CCN4: variants seen among roughly 807,000 people sequenced by gnomAD.
CCN4 encodes the protein cellular communication network factor 4.
CCN4 carries 30 observed loss-of-function variants against 36.7 expected under a neutral mutation model. That is an observed-to-expected ratio of 0.82 (90% CI 0.61 to 1.11). The LOEUF is 1.11. Ranked by LOEUF, CCN4 falls within the 50% of genes least tolerant of loss-of-function variation. The pLI is 0.00. For missense variants in CCN4, 505 were observed against 504.9 expected (o/e 1.00, Z 0.00); for synonymous variants, 191 against 195.4 (o/e 0.98, Z 0.19).
rs1327678414 is a variant in CCN4 at position 133,231,298 on chromosome 8, C to T, written c.*3588C>T. 3 of 152,212 alleles carry T rather than the reference C, an allele frequency of 2.0e-5. No homozygotes were observed. Among genetic ancestry groups the T allele is most frequent in the African/African-American group, 7.2e-5 (3 of 41,538 alleles). 9.4% of individuals were successfully genotyped at this position (152,212 alleles called of 1,614,324 possible). A position where few individuals can be genotyped will look rare whatever the true frequency, so the allele number is the denominator to read the frequency against. ...TGCATATCTGGGAATCATAAGTCAA[C>T]TATGTATCCCTGTGTGTGTATATAT... On this transcript the variant is annotated 3_prime_UTR_variant, in exon 5 of 5. Transcript: ENST00000250160.
At chr8:133,215,045 T>A (rs1418899480) in intron 2 of CCN4, among the ~76,000 whole-genome samples, 1 of 152,238 alleles carries the variant, frequency 6.6e-6, no homozygotes, top group Non-Finnish European at 1.5e-5. Context: ...TTTCTGTGAA[T>A]AACCATCCCA....
intron 1 of CCN4, among the ~76,000 whole-genome samples, chr8:133,191,793 G>T (rs55884058): frequency 1.3e-5 from 2 of 151,986 alleles, no homozygotes; most frequent in Non-Finnish European, 2.9e-5. Context: ...TGTCACCTCC[G>T]GTCTGCACAG....
At chr8:133,220,495 T>C in intron 2 of CCN4, 86 bp from the exon 3 acceptor site, 1 of 1,546,962 alleles carries the variant, frequency 6.5e-7, no homozygotes, top group Non-Finnish European at 8.8e-7. Context: ...GATTGGGGCA[T>C]GGTCCACATG....
In CCN4 at chr8:133,200,663, AC is replaced by A. The variant is rs532349890; in HGVS notation, c.69+9452del. ...TGTGTCATTTTCTTGTTGTGTCTCAACCTTTTTGGGTCTCAGTTTCCCATCT... is the reference window on the plus strand; with the variant it reads ...TGTGTCATTTTCTTGTTGTGTCTCAACTTTTTGGGTCTCAGTTTCCCATCT... On this transcript the variant is annotated intron_variant, in intron 1 of 4. Coordinates refer to ENST00000250160, the MANE Select transcript of CCN4 (RefSeq NM_003882.4). 1.6e-4 allele frequency among the ~76,000 whole-genome samples: 25 copies of A among 152,298 alleles called. No homozygotes were observed. In the South Asian group the frequency reaches 1.7e-3, roughly 10 times the overall value.
rs1292832676 is a variant in CCN4 at position 133,228,419 on chromosome 8, C to T, written c.*709C>T. Reference sequence around the variant, plus strand: ...CATTCCTGTTGATGGGAAAAGCCCCCAGTTAATACTCCAGAGACAGGGAAA... The same window carrying T: ...CATTCCTGTTGATGGGAAAAGCCCCTAGTTAATACTCCAGAGACAGGGAAA... On this transcript the variant is annotated 3_prime_UTR_variant, in exon 5 of 5. Transcript: ENST00000250160. 1 of 152,206 alleles carries T rather than the reference C, an allele frequency of 6.6e-6. No homozygotes were observed. The highest frequency in any genetic ancestry group is 1.5e-5 in the Non-Finnish European group (1 of 68,054). The allele number at this position is 152,206 out of a possible 1,614,324, so 9.4% of individuals were successfully genotyped here.
In CCN4 at chr8:133,227,720, A is replaced by G; in HGVS notation, c.*10A>G. 3 of 1,608,672 alleles carry G rather than the reference A, an allele frequency of 1.9e-6. No individual in the cohort carries two copies. The highest frequency in any genetic ancestry group is 4.5e-5 in the East Asian group (2 of 44,844). ...AGAAATTGCCAACTAGGCAGGCACA[A>G]ATCTTGGGTCTTGGGGACTAACCCA... On this transcript the variant is annotated 3_prime_UTR_variant, in exon 5 of 5. Transcript: ENST00000250160.
At chr8:133,202,518 T>A (rs1853623948) in intron 1 of CCN4, among the ~76,000 whole-genome samples, 1 of 152,222 alleles carries the variant, frequency 6.6e-6, no homozygotes, top group Non-Finnish European at 1.5e-5. Context: ...AAAACCTGGC[T>A]TCTTGCCCCT....
chr8:133,213,230 CTT>C (rs1449604494), intron 2 of CCN4, 87 bp downstream of exon 2: 2 of 1,473,410 alleles, frequency 1.4e-6, no homozygotes, highest in Non-Finnish European at 1.9e-6. Context: ...CCCCCACAGC[CTT>C]TCACCTGGCC....
chr8:133,219,413 G>T (rs1854437940), intron 2 of CCN4, among the ~76,000 whole-genome samples: 1 of 152,080 alleles, frequency 6.6e-6, no homozygotes, highest in African/African-American at 2.4e-5. Flanking sequence ...ACCTCCTTCA[G>T]GCTTTGCTGA....
chr8:133,194,699 GGT>G (rs1406493042), intron 1 of CCN4, among the ~76,000 whole-genome samples: 15 of 58,476 alleles, frequency 2.6e-4, no homozygotes, highest in Admixed American at 4.4e-4. Flanking sequence ...GTGTGTGGAG[GGT>G]GTGTGTGGTG....
chr8:133,219,564 C>T (rs28669728), intron 2 of CCN4, among the ~76,000 whole-genome samples: 47,937 of 152,164 alleles, frequency 0.32, 8,465 homozygotes, highest in Middle Eastern at 0.46. Context: ...ACTTTTGTTA[C>T]TCTATTCACA....
chr8:133,225,283 C>A lies in CCN4; in HGVS notation c.611-107C>A, dbSNP rs1334237933. 7.3e-6 allele frequency: 9 copies of A among 1,235,674 alleles called. No homozygotes were observed. In the East Asian group the frequency reaches 2.2e-4, roughly 30 times the overall value. The allele number at this position is 1,235,674 out of a possible 1,614,324, so 76.5% of individuals were successfully genotyped here. ...TCCTGTGGGGAGGTACAGCCAATTT[C>A]TGTGTTCCTCTGAGTTCTGGGGACC... On this transcript the variant is annotated intron_variant, in intron 3 of 4. Coordinates refer to ENST00000250160, the MANE Select transcript of CCN4 (RefSeq NM_003882.4).
intron 2 of CCN4, among the ~76,000 whole-genome samples, chr8:133,213,628 C>T (rs1038942683): frequency 6.6e-5 from 10 of 150,868 alleles, no homozygotes; most frequent in African/African-American, 2.4e-4. Context: ...CTACATTTCT[C>T]AGTTACTTCA....
At chr8:133,199,465 C>G (rs1853506912) in intron 1 of CCN4, among the ~76,000 whole-genome samples, 1 of 152,072 alleles carries the variant, frequency 6.6e-6, no homozygotes, top group Non-Finnish European at 1.5e-5. Context: ...GACCTTAGGA[C>G]TAAGAAAGAG....
At chr8:133,198,396 C>T (rs139109140) in intron 1 of CCN4, among the ~76,000 whole-genome samples, 1 of 152,286 alleles carries the variant, frequency 6.6e-6, no homozygotes, top group Non-Finnish European at 1.5e-5. Context: ...AAAATCACAT[C>T]AGCACCTGGA....
At chr8:133,196,860 C>T (rs570704803) in intron 1 of CCN4, among the ~76,000 whole-genome samples, 2 of 152,136 alleles carry the variant, frequency 1.3e-5, no homozygotes, top group Non-Finnish European at 2.9e-5. Context: ...AGGCAAGGCC[C>T]TATCCAATGA....
chr8:133,223,863 C>T (rs936491929), intron 3 of CCN4, among the ~76,000 whole-genome samples: 2 of 152,174 alleles, frequency 1.3e-5, no homozygotes, highest in African/African-American at 4.8e-5. Flanking sequence ...GTCTCGAGCT[C>T]ACCACCATTT....
chr8:133,198,120 C>T (rs1173078164), intron 1 of CCN4, among the ~76,000 whole-genome samples: 3 of 152,176 alleles, frequency 2.0e-5, no homozygotes, highest in Non-Finnish European at 2.9e-5. Flanking sequence ...TGGCTTCCAG[C>T]TGGAGCTGCC....
intron 1 of CCN4, among the ~76,000 whole-genome samples, chr8:133,196,916 G>GGAGGGGCAGGCT (rs766885291): frequency 3.3e-5 from 5 of 152,204 alleles, no homozygotes; most frequent in Non-Finnish European, 5.9e-5. Context: ...TTGGCTAGGA[G>GGAGGGGCAGGCT]GAGGGGCAGG....
Sources: allele counts gnomAD v4.1 joint callset (sites outside exome capture counted in the v4.1 genomes callset), GRCh38; gene constraint gnomAD v4.1.1; transcripts MANE v1.5; gene names NCBI Gene and HGNC (gene_info 2026-07-23, HGNC 2026-07-21).